Variants in MAPKBP1 observed in about 807,000 individuals in gnomAD.
The protein encoded by MAPKBP1 is mitogen-activated protein kinase binding protein 1.
A neutral mutation model predicts 170.5 loss-of-function variants in MAPKBP1; 71 were observed. The ratio of observed to expected loss-of-function variants is 0.42; its 90% CI spans 0.34 to 0.51. The LOEUF (loss-of-function observed/expected upper bound fraction) is 0.51, where lower values mean the gene tolerates loss of function less well. Among genes scored for constraint, MAPKBP1 ranks in the 20% least tolerant of loss-of-function variants. The probability of loss-of-function intolerance (pLI) is 0.06; values close to 1 mark genes in which losing one functional copy is unlikely to be tolerated. For missense variants in MAPKBP1, 1,598 were observed against 1,933.0 expected (o/e 0.83, Z 3.25); for synonymous variants, 719 against 757.9 (o/e 0.95, Z 0.84).
chr15:41,779,863 C>G (rs978271178), intron 2 of MAPKBP1, among the ~76,000 whole-genome samples: 7 of 152,196 alleles, frequency 4.6e-5, no homozygotes, highest in Non-Finnish European at 1.0e-4. Flanking sequence ...TGAAATAAGG[C>G]TTGTGAAGTG....
intron 8 of MAPKBP1, 155 bp from the exon 9 acceptor site, chr15:41,813,466 A>G: frequency 7.1e-7 from 1 of 1,412,782 alleles, no homozygotes; most frequent in Non-Finnish European, 9.9e-7. Flanking sequence ...CTGGCTGGAC[A>G]GGGCTGAGGG....
In MAPKBP1 at chr15:41,821,706, T is replaced by G; in HGVS notation, c.2841T>G (p.Gly947=). ...QDLEPAPIED[G]IVYPEPSDNP... Reference sequence around the variant, plus strand: ...TGGAACCTGCACCCATTGAAGATGGTATTGTCTACCCGGAGCCGAGTGACA... The same window carrying G: ...TGGAACCTGCACCCATTGAAGATGGGATTGTCTACCCGGAGCCGAGTGACA... Residue 947 remains glycine, a synonymous_variant, in exon 24 of 31, where the codon GGT becomes GGG. Coordinates refer to ENST00000457542, the MANE Select transcript of MAPKBP1 (RefSeq NM_014994.3). 1 of 1,614,112 alleles carries G rather than the reference T, an allele frequency of 6.2e-7. No individual in the cohort carries two copies. The highest frequency in any genetic ancestry group is 8.5e-7 in the Non-Finnish European group (1 of 1,180,012).
At position 41,821,658 on chromosome 15, in the gene MAPKBP1, G is replaced by T; in HGVS notation, c.2793G>T (p.Glu931Asp). ...YPHIIRLLSQ[E>D]EGVFAQDLEP... ...ATATTATCCGATTATTGTCACAAGA[G>T]GAAGGGGTCTTTGCCCAAGATCTGG... The change falls in exon 24 of 31, where the codon GAG becomes GAT. Residue 931 changes from glutamate (E) to aspartate (D), a missense_variant. By Grantham distance (45) the Glu-to-Asp change is conservative. Coordinates refer to ENST00000457542, the MANE Select transcript of MAPKBP1 (RefSeq NM_014994.3). 1 of 1,614,174 alleles carries T rather than the reference G, an allele frequency of 6.2e-7. No individual in the cohort carries two copies. The highest frequency in any genetic ancestry group is 8.5e-7 in the Non-Finnish European group (1 of 1,180,020).
chr15:41,784,411 C>T (rs1010684105), intron 2 of MAPKBP1, among the ~76,000 whole-genome samples: 2 of 151,786 alleles, frequency 1.3e-5, no homozygotes, highest in Non-Finnish European at 2.9e-5. Flanking sequence ...GAGGCTGAGG[C>T]GGGAGGATCA....
At position 41,825,755 on chromosome 15, in the gene MAPKBP1, CCT is replaced by C. The variant is rs2065080429; in HGVS notation, c.*324_*325del. 1 of 290,462 alleles carries C rather than the reference CCT, an allele frequency of 3.4e-6. No individual in the cohort carries two copies. Among genetic ancestry groups the C allele is most frequent in the Non-Finnish European group, 6.5e-6 (1 of 154,492 alleles). 18.0% of individuals were successfully genotyped at this position (290,462 alleles called of 1,614,324 possible). A position where few individuals can be genotyped will look rare whatever the true frequency, so the allele number is the denominator to read the frequency against. ...ATCTAGGAATCTGGGAAGGGCTGGC[CCT>C]CTCTTAGAAGCCATTTGAAATTACT... On this transcript the variant is annotated 3_prime_UTR_variant, in exon 31 of 31. Coordinates refer to ENST00000457542, the MANE Select transcript of MAPKBP1 (RefSeq NM_014994.3).
chr15:41,797,944 C>T (rs928410564), intron 2 of MAPKBP1, among the ~76,000 whole-genome samples: 3 of 152,044 alleles, frequency 2.0e-5, no homozygotes, highest in Non-Finnish European at 2.9e-5. Flanking sequence ...AAACGATCTT[C>T]AGAGATAAGA....
At chr15:41,796,713 C>T (rs1406640955) in intron 2 of MAPKBP1, among the ~76,000 whole-genome samples, 2 of 152,128 alleles carry the variant, frequency 1.3e-5, no homozygotes, top group African/African-American at 4.8e-5. Context: ...GTGGGGTTTT[C>T]CTAGTGCGGA....
chr15:41,812,451 C>T, intron 6 of MAPKBP1, 65 bp from the exon 7 acceptor site: 1 of 1,597,018 alleles, frequency 6.3e-7, no homozygotes, highest in Non-Finnish European at 8.6e-7. Flanking sequence ...CCTCCATTCT[C>T]TGAGTCACTG....
intron 13 of MAPKBP1, 69 bp from the exon 14 acceptor site, chr15:41,816,841 G>A (rs554639204): frequency 2.6e-6 from 4 of 1,549,098 alleles, no homozygotes; most frequent in Admixed American, 1.8e-5. Flanking sequence ...TTCCCTTGGG[G>A]CTCTTTGCCA....
At position 41,823,496 on chromosome 15, in the gene MAPKBP1, T is replaced by A. The variant is rs1405235474; in HGVS notation, c.3648T>A (p.Ser1216=). 50 of 1,613,966 alleles carry A rather than the reference T, an allele frequency of 3.1e-5. No individual in the cohort carries two copies. The highest frequency in any genetic ancestry group is 4.2e-5 in the Non-Finnish European group (50 of 1,180,008). The change falls in exon 29 of 31, where the codon TCT becomes TCA. Residue 1216 remains serine (S), a synonymous_variant. Transcript: ENST00000457542. ...CCCCTTCACCAGGCGCACTGCTGTC[T>A]CGGGAGATCGAAGCTCAGGATGGTC... ...LQAPSPGALL[S]REIEAQDGLG... is the part of the protein sequence containing the mutation.
At chr15:41,810,717 C>CAAAAAA (rs58612719) in intron 3 of MAPKBP1, 166 bp from the exon 4 acceptor site, 5 of 431,862 alleles carry the variant, frequency 1.2e-5, no homozygotes, top group African/African-American at 6.0e-5. Flanking sequence ...GATCCTGTCT[C>CAAAAAA]AAAAAAAAAA....
chr15:41,811,871 G>C, intron 5 of MAPKBP1, 86 bp from the exon 6 acceptor site: 2 of 1,409,492 alleles, frequency 1.4e-6, no homozygotes, highest in Non-Finnish European at 2.0e-6. Flanking sequence ...AGCTGAGGAG[G>C]CGAGGGCCCC....
At chr15:41,819,555 G>GGCA in intron 21 of MAPKBP1, 40 bp from the exon 22 acceptor site, 1 of 1,481,944 alleles carries the variant, frequency 6.7e-7, no homozygotes, top group Non-Finnish European at 9.3e-7. Context: ...GGCGGGGGGG[G>GGCA]GGCAGGAGAC....
chr15:41,781,008 C>G (rs2064176811), intron 2 of MAPKBP1, among the ~76,000 whole-genome samples: 1 of 151,700 alleles, frequency 6.6e-6, no homozygotes, highest in Middle Eastern at 3.5e-3. Flanking sequence ...TCCTAGATTT[C>G]AAGGGAGTAA....
chr15:41,810,543 CAAAAA>C (rs11415317), intron 3 of MAPKBP1: 121 of 152,502 alleles, frequency 7.9e-4, no homozygotes, highest in South Asian at 1.5e-3. Flanking sequence ...CCCGTGTCTA[CAAAAA>C]AAAAAAAAAA....
At chr15:41,821,298 C>A in intron 23 of MAPKBP1, 1 of 615,972 alleles carries the variant, frequency 1.6e-6, no homozygotes, top group African/African-American at 1.8e-5. Context: ...TTGCCCTGGG[C>A]TGGGTTTCTT....
chr15:41,810,824 G>C, intron 3 of MAPKBP1, 59 bp from the exon 4 acceptor site: 1 of 1,515,474 alleles, frequency 6.6e-7, no homozygotes, highest in Non-Finnish European at 9.2e-7. Flanking sequence ...GGGTGGCCTG[G>C]AGGGCTCCTG....
intron 2 of MAPKBP1, among the ~76,000 whole-genome samples, chr15:41,782,259 CAA>C (rs10629541): frequency 1.7e-5 from 2 of 117,374 alleles, no homozygotes; most frequent in Non-Finnish European, 1.7e-5. Context: ...GGCTCTGTCT[CAA>C]AAAAAAAAAA....
chr15:41,779,621 AG>A (rs2064151657), intron 2 of MAPKBP1, among the ~76,000 whole-genome samples: 1 of 152,196 alleles, frequency 6.6e-6, no homozygotes. Context: ...CTGGGATTAC[AG>A]GCATGAGCCA....
Sources: gnomAD v4.1 joint callset for allele counts (sites outside exome capture counted in the v4.1 genomes callset) on GRCh38, gnomAD v4.1.1 for gene constraint, MANE v1.5 for transcripts, NCBI Gene and HGNC (gene_info 2026-07-23, HGNC 2026-07-21) for gene names.